Variants in SHISA6 observed in about 807,000 individuals in gnomAD.
SHISA6 encodes the protein protein shisa-6.
A neutral mutation model predicts 47.9 loss-of-function variants in SHISA6; 22 were observed. The ratio of observed to expected loss-of-function variants is 0.46; its 90% CI spans 0.33 to 0.66. SHISA6 has a LOEUF of 0.66. SHISA6 is among the 30% of genes least tolerant of loss of function. The pLI is 0.02. For synonymous variants in SHISA6, 388 were observed against 337.8 expected (o/e 1.15, Z -1.63); for missense variants, 680 against 764.6 (o/e 0.89, Z 1.30).
At chr17:11,260,510 T>A in intron 1 of SHISA6, among the ~76,000 whole-genome samples, 1 of 151,980 alleles carries the variant, frequency 6.6e-6, no homozygotes, top group East Asian at 1.9e-4. Flanking sequence ...CCCCTCCGAA[T>A]GTCTCTCTCT....
chr17:11,371,788 A>T (rs989589106), intron 2 of SHISA6, among the ~76,000 whole-genome samples: 4 of 152,174 alleles, frequency 2.6e-5, no homozygotes, highest in African/African-American at 9.6e-5. Context: ...GATAAACTCT[A>T]AATATTACAA....
At chr17:11,555,915 T>TG (rs1300395422) in intron 5 of SHISA6, 23 bp downstream of exon 5, 19 of 1,506,906 alleles carry the variant, frequency 1.3e-5, no homozygotes, top group African/African-American at 4.2e-5. Context: ...TCCCCCAAGT[T>TG]GGGGTCTGTC....
chr17:11,306,359 T>C (rs1421455751), intron 2 of SHISA6, among the ~76,000 whole-genome samples: 1 of 152,116 alleles, frequency 6.6e-6, no homozygotes, highest in African/African-American at 2.4e-5. Flanking sequence ...ACAAGAACAG[T>C]TTCCATTGAG....
chr17:11,554,857 T>A (rs2071961997), intron 4 of SHISA6, among the ~76,000 whole-genome samples: 1 of 152,086 alleles, frequency 6.6e-6, no homozygotes, highest in Non-Finnish European at 1.5e-5. Context: ...TCTCCAGATG[T>A]CATTCATCTG....
intron 2 of SHISA6, among the ~76,000 whole-genome samples, chr17:11,335,797 C>A (rs1330611223): frequency 6.6e-6 from 1 of 152,186 alleles, no homozygotes; most frequent in East Asian, 1.9e-4. Flanking sequence ...TACCATGGAA[C>A]CTGTCTGAGC....
intron 1 of SHISA6, among the ~76,000 whole-genome samples, chr17:11,244,598 T>A (rs975907617): frequency 6.6e-6 from 1 of 152,034 alleles, no homozygotes; most frequent in African/African-American, 2.4e-5. Context: ...TTGTGTAGAC[T>A]GTCTTGTTGG....
At chr17:11,307,949 G>T (rs1910183647) in intron 2 of SHISA6, among the ~76,000 whole-genome samples, 1 of 152,122 alleles carries the variant, frequency 6.6e-6, no homozygotes, top group Non-Finnish European at 1.5e-5. Flanking sequence ...ACAAGCAAAT[G>T]AAAGGAGTGT....
chr17:11,421,695 A>T (rs189657226), intron 3 of SHISA6, among the ~76,000 whole-genome samples: 22 of 152,332 alleles, frequency 1.4e-4, no homozygotes, highest in Non-Finnish European at 3.1e-4. Flanking sequence ...TTGCTGCCTG[A>T]TTAGAAACAA....
At chr17:11,362,781 T>A (rs1029088036) in intron 2 of SHISA6, among the ~76,000 whole-genome samples, 1 of 152,232 alleles carries the variant, frequency 6.6e-6, no homozygotes, top group African/African-American at 2.4e-5. Flanking sequence ...TGGTGACCAT[T>A]TTATTAATAT....
intron 2 of SHISA6, among the ~76,000 whole-genome samples, chr17:11,314,543 T>G (rs4791464): frequency 0.74 from 109,620 of 147,308 alleles, 40,914 homozygotes; most frequent in Middle Eastern, 0.78. Context: ...TTTTGTTTTT[T>G]TTTTTTTTTG....
intron 2 of SHISA6, among the ~76,000 whole-genome samples, chr17:11,298,100 T>C (rs1469294043): frequency 6.6e-6 from 1 of 152,220 alleles, no homozygotes; most frequent in African/African-American, 2.4e-5. Flanking sequence ...TATGAATTAA[T>C]TTATGTAATA....
chr17:11,269,383 C>T (rs1385170809), intron 2 of SHISA6, among the ~76,000 whole-genome samples: 1 of 152,144 alleles, frequency 6.6e-6, no homozygotes, highest in South Asian at 2.1e-4. Flanking sequence ...CTCCTCCTAT[C>T]TGGGGCTGAC....
intron 3 of SHISA6, among the ~76,000 whole-genome samples, chr17:11,520,873 C>A (rs866081492): frequency 6.6e-6 from 1 of 152,310 alleles, no homozygotes; most frequent in African/African-American, 2.4e-5. Context: ...ATGAGCAATT[C>A]TTTCTGTGTA....
At chr17:11,436,982 G>T (rs1914959957) in intron 3 of SHISA6, among the ~76,000 whole-genome samples, 1 of 152,316 alleles carries the variant, frequency 6.6e-6, no homozygotes, top group African/African-American at 2.4e-5. Flanking sequence ...TATATCACGT[G>T]TTGCTTAATA....
chr17:11,396,891 C>T (rs1913589819), intron 3 of SHISA6, among the ~76,000 whole-genome samples: 1 of 152,120 alleles, frequency 6.6e-6, no homozygotes, highest in Admixed American at 6.5e-5. Flanking sequence ...ACATGTATCT[C>T]AGAACTTAAA....
At chr17:11,416,375 A>T (rs1914281821) in intron 3 of SHISA6, among the ~76,000 whole-genome samples, 1 of 152,190 alleles carries the variant, frequency 6.6e-6, no homozygotes, top group Non-Finnish European at 1.5e-5. Flanking sequence ...CGGCAGTATT[A>T]TTTTCATTGT....
intron 3 of SHISA6, among the ~76,000 whole-genome samples, chr17:11,439,522 C>T (rs573826664): frequency 1.3e-5 from 2 of 152,214 alleles, no homozygotes; most frequent in South Asian, 2.1e-4. Flanking sequence ...GCGTGGAGTC[C>T]AGCATTTCCA....
intron 2 of SHISA6, among the ~76,000 whole-genome samples, chr17:11,352,718 C>A (rs1597471646): frequency 2.0e-5 from 3 of 152,086 alleles, no homozygotes; most frequent in Admixed American, 2.0e-4. Flanking sequence ...GTTGGTGCGC[C>A]TTGTGCATGT....
At chr17:11,501,574 G>A (rs2071453963) in intron 3 of SHISA6, among the ~76,000 whole-genome samples, 1 of 152,140 alleles carries the variant, frequency 6.6e-6, no homozygotes, top group South Asian at 2.1e-4. Flanking sequence ...AGGAATGGGA[G>A]GCTGCTGGGC....
Sources: gnomAD v4.1 joint callset for allele counts (sites outside exome capture counted in the v4.1 genomes callset) on GRCh38, gnomAD v4.1.1 for gene constraint, MANE v1.5 for transcripts, NCBI Gene and HGNC (gene_info 2026-07-23, HGNC 2026-07-21) for gene names.